The following FRMD4B variants were observed in gnomAD, a reference collection of about 807,000 sequenced individuals.
The protein encoded by FRMD4B is FERM domain-containing protein 4B.
Under a neutral mutation model 141.5 loss-of-function variants are expected in FRMD4B, and 74 were observed. The ratio of observed to expected loss-of-function variants is 0.52; its 90% CI spans 0.43 to 0.63. The LOEUF (loss-of-function observed/expected upper bound fraction) is 0.63. Among genes scored for constraint, FRMD4B ranks in the 30% least tolerant of loss-of-function variants. FRMD4B has a pLI of 0.00. For synonymous variants in FRMD4B, 506 were observed against 467.9 expected, an observed-to-expected ratio of 1.08 and a Z score of -1.05; for missense variants, 1,366 against 1,253.4, an observed-to-expected ratio of 1.09 and a Z score of -1.36.
chr3:69,470,200 A>G (rs569162936), intron 1 of FRMD4B, among the ~76,000 whole-genome samples: 67 of 152,340 alleles, frequency 4.4e-4, no homozygotes, highest in African/African-American at 1.4e-3. Flanking sequence ...AAGGCACCAC[A>G]GTGCAGTCCA....
intron 1 of FRMD4B, chr3:69,377,139 A>T (rs1421166779): frequency 6.6e-6 from 1 of 152,202 alleles, no homozygotes; most frequent in Non-Finnish European, 1.5e-5. Flanking sequence ...TAAGATAAAA[A>T]ATTAAAAATT....
intron 1 of FRMD4B, among the ~76,000 whole-genome samples, chr3:69,455,223 TG>T (rs1705574677): frequency 6.6e-6 from 1 of 152,046 alleles, no homozygotes; most frequent in Non-Finnish European, 1.5e-5. Context: ...AGGATGTGGG[TG>T]GGGTCAGCTA....
intron 7 of FRMD4B, among the ~76,000 whole-genome samples, chr3:69,236,766 A>C (rs1213399118): frequency 2.6e-5 from 4 of 152,216 alleles, no homozygotes; most frequent in Non-Finnish European, 5.9e-5. Context: ...GTTAGGGTAT[A>C]CTAAGGCCTG....
intron 22 of FRMD4B, among the ~76,000 whole-genome samples, chr3:69,175,071 G>GA (rs1297034704): frequency 4.6e-5 from 7 of 150,566 alleles, no homozygotes; most frequent in Non-Finnish European, 8.9e-5. Flanking sequence ...GAATGCGGAG[G>GA]AAAAAAAAAG....
intron 1 of FRMD4B, among the ~76,000 whole-genome samples, chr3:69,478,074 A>G (rs927915576): frequency 7.6e-4 from 116 of 151,916 alleles, no homozygotes; most frequent in African/African-American, 2.7e-3. Flanking sequence ...TTTTTATTGC[A>G]TCTATTTGAT....
intron 5 of FRMD4B, among the ~76,000 whole-genome samples, chr3:69,281,694 C>T (rs764808011): frequency 2.0e-5 from 3 of 151,688 alleles, no homozygotes; most frequent in Admixed American, 6.6e-5. Context: ...TGTGGTGATG[C>T]GTGCCTGTAA....
chr3:69,369,422 T>C (rs1016082125), intron 1 of FRMD4B, among the ~76,000 whole-genome samples: 1 of 152,108 alleles, frequency 6.6e-6, no homozygotes, highest in Non-Finnish European at 1.5e-5. Flanking sequence ...AATGCACAGA[T>C]AAAAGTGTGG....
chr3:69,381,406 G>A (rs924503574), intron 1 of FRMD4B, among the ~76,000 whole-genome samples: 7 of 152,162 alleles, frequency 4.6e-5, no homozygotes, highest in African/African-American at 1.7e-4. Flanking sequence ...AGACTGACAG[G>A]TATTTCATGT....
At chr3:69,466,997 C>T (rs564935438) in intron 1 of FRMD4B, among the ~76,000 whole-genome samples, 16 of 152,226 alleles carry the variant, frequency 1.1e-4, no homozygotes, top group South Asian at 1.0e-3. Context: ...CCACTGTGCC[C>T]GGCTAGAAGT....
rs7624919 is a variant in FRMD4B at position 69,433,514 on chromosome 3, C to T, written c.-128-753G>A. Among the ~76,000 whole-genome samples, 1,393 of 152,294 alleles carry T rather than the reference C, an allele frequency of 9.1e-3. 20 individuals carry two copies. Among genetic ancestry groups the T allele is most frequent in the African/African-American group, 0.032 (1,322 of 41,568 alleles). On this transcript the variant is annotated intron_variant, in intron 1 of 5. Coordinates refer to the FRMD4B transcript ENST00000459638. ...TCTCTGTGGCACCATCCGCTTGGCA[C>T]CTCCCCACACCACCTGCCCCTCCAC...
At chr3:69,517,405 ACAT>A (rs1700779978) in intron 1 of FRMD4B, among the ~76,000 whole-genome samples, 1 of 151,888 alleles carries the variant, frequency 6.6e-6, no homozygotes, top group Admixed American at 6.6e-5. Flanking sequence ...ACATAAATAG[ACAT>A]CATAAAGATT....
intron 9 of FRMD4B, among the ~76,000 whole-genome samples, chr3:69,219,973 T>C (rs777118541): frequency 1.8e-4 from 28 of 152,248 alleles, no homozygotes; most frequent in Non-Finnish European, 3.4e-4. Flanking sequence ...TATGGCTACA[T>C]AGTATTCCAT....
chr3:69,256,694 C>T (rs1467595700), intron 5 of FRMD4B, among the ~76,000 whole-genome samples: 1 of 152,184 alleles, frequency 6.6e-6, no homozygotes, highest in African/African-American at 2.4e-5. Context: ...TACTACCCTA[C>T]AAGGCAATTA....
intron 5 of FRMD4B, among the ~76,000 whole-genome samples, chr3:69,281,553 C>T (rs1008660923): frequency 6.6e-5 from 10 of 151,874 alleles, no homozygotes; most frequent in South Asian, 4.2e-4. Flanking sequence ...TTGTTGGGTG[C>T]GGCAGCTCAC....
intron 4 of FRMD4B, among the ~76,000 whole-genome samples, chr3:69,296,915 A>G (rs1003782027): frequency 6.6e-6 from 1 of 152,216 alleles, no homozygotes; most frequent in African/African-American, 2.4e-5. Context: ...CCCTACAATC[A>G]TTCTACCTAG....
intron 1 of FRMD4B, among the ~76,000 whole-genome samples, chr3:69,461,240 C>G (rs1435704349): frequency 6.6e-6 from 1 of 152,130 alleles, no homozygotes; most frequent in Non-Finnish European, 1.5e-5. Context: ...CACACCTCCA[C>G]TTTAAGAAAC....
chr3:69,214,883 ATTT>A lies in FRMD4B; in HGVS notation c.876+1377_876+1379del, dbSNP rs60270052. ...TCTCAAAAAATAATAATAATAATGA[ATTT>A]TTTTTTTTTTTGAGATGAAGTCTCA... On this transcript the variant is annotated intron_variant, in intron 11 of 22. Coordinates refer to ENST00000398540, the MANE Select transcript of FRMD4B (RefSeq NM_015123.3). Among the ~76,000 whole-genome samples the A allele has an allele frequency of 2.0e-5, 3 of 150,368 alleles. No individual in the cohort carries two copies. The East Asian group carries it at 6.0e-4, about 30-fold the overall frequency.
chr3:69,472,615 T>C (rs1298862989), intron 1 of FRMD4B: 5 of 163,768 alleles, frequency 3.1e-5, no homozygotes, highest in Admixed American at 1.9e-4. Context: ...TCATAGCCAA[T>C]AGCCGGAGAT....
chr3:69,237,379 T>C (rs567164061), intron 7 of FRMD4B, among the ~76,000 whole-genome samples: 4 of 152,368 alleles, frequency 2.6e-5, no homozygotes, highest in African/African-American at 7.2e-5. Context: ...CCAAGTCAGG[T>C]TGCAGCTATT....
Sources: allele counts gnomAD v4.1 joint callset (sites outside exome capture counted in the v4.1 genomes callset), GRCh38; gene constraint gnomAD v4.1.1; transcripts MANE v1.5; gene names NCBI Gene and HGNC (gene_info 2026-07-23, HGNC 2026-07-21).